VPS37C: variants seen among roughly 807,000 people sequenced by gnomAD.
The protein encoded by VPS37C is VPS37C subunit of ESCRT-I.
VPS37C carries 9 observed loss-of-function variants against 16.1 expected under a neutral mutation model. The observed-to-expected ratio is 0.56, with a 90% CI of 0.34 to 0.97. The LOEUF (loss-of-function observed/expected upper bound fraction) is 0.97, where lower values mean the gene tolerates loss of function less well. Among genes scored for constraint, VPS37C ranks in the 50% least tolerant of loss-of-function variants. The pLI, the probability that VPS37C is intolerant of heterozygous loss-of-function variation, is 0.02. For missense variants in VPS37C, 479 were observed against 472.7 expected, an observed-to-expected ratio of 1.01 and a Z score of -0.12; for synonymous variants, 207 against 206.4, an observed-to-expected ratio of 1.00 and a Z score of -0.02.
At position 61,131,158 on chromosome 11, in the gene VPS37C, C is replaced by T. The variant is rs1187587393; in HGVS notation, c.*662G>A. 5.0e-6 allele frequency: 1 copy of T among 199,046 alleles called. No homozygotes were observed. Among genetic ancestry groups the T allele is most frequent in the Non-Finnish European group, 1.0e-5 (1 of 98,536 alleles). 12.3% of individuals were successfully genotyped at this position (199,046 alleles called of 1,614,324 possible). A position where few individuals can be genotyped will look rare whatever the true frequency, so the allele number is the denominator to read the frequency against. On this transcript the variant is annotated 3_prime_UTR_variant, in exon 5 of 5. Transcript: ENST00000301765. ...ACTGCAAGCAAGGTCTGGGGACAAC[C>T]TTGACAACCCCCAGCCTTCTTGCTG...
In VPS37C at chr11:61,132,159, G is replaced by A. The variant is rs1861276645; in HGVS notation, c.729C>T (p.Pro243=). ...GTCCAAGCTGGGCTGCCGGGTAAGT[G>A]GGGCCCAGAGGCCCGCTGTAGAAGG... ...QPSFYSGPLG[P]TYPAAQLGPR... Residue 243 remains proline, a synonymous_variant, in exon 5 of 5, where the codon CCC becomes CCT. Transcript: ENST00000301765. 3 of 1,459,688 alleles carry A rather than the reference G, an allele frequency of 2.1e-6. No individual in the cohort carries two copies. The highest frequency in any genetic ancestry group is 2.5e-5 in the East Asian group (1 of 39,582). The allele number at this position is 1,459,688 out of a possible 1,614,324, so 90.4% of individuals were successfully genotyped here. A position where few individuals can be genotyped will look rare whatever the true frequency, so the allele number is the denominator to read the frequency against.
At chr11:61,151,550 G>T (rs1853298805) in intron 1 of VPS37C, among the ~76,000 whole-genome samples, 1 of 152,192 alleles carries the variant, frequency 6.6e-6, no homozygotes, top group African/African-American at 2.4e-5. Flanking sequence ...TGGAGCTTTT[G>T]TAAGGAGGAA....
chr11:61,133,091 A>C (rs987126023), intron 4 of VPS37C, 164 bp downstream of exon 4: 1 of 775,042 alleles, frequency 1.3e-6, no homozygotes, highest in African/African-American at 1.7e-5. Flanking sequence ...CCTGTTATTT[A>C]TACCCAAAAG....
intron 2 of VPS37C, among the ~76,000 whole-genome samples, chr11:61,137,279 T>C (rs1274373193): frequency 1.3e-5 from 2 of 152,156 alleles, no homozygotes; most frequent in African/African-American, 4.8e-5. Context: ...TAGCCCACGA[T>C]AAAAAAGTTT....
chr11:61,141,329 C>T (rs978137760), intron 1 of VPS37C, among the ~76,000 whole-genome samples: 3 of 151,238 alleles, frequency 2.0e-5, no homozygotes, highest in Admixed American at 6.6e-5. Context: ...GATCATGCCA[C>T]TGCACTCCAG....
intron 1 of VPS37C, among the ~76,000 whole-genome samples, chr11:61,152,913 C>T (rs918756633): frequency 1.3e-5 from 2 of 152,234 alleles, no homozygotes; most frequent in Non-Finnish European, 2.9e-5. Flanking sequence ...CTCTCTAAAG[C>T]TTTCCTTGCT....
chr11:61,148,146 GGCT>G (rs926399819), intron 1 of VPS37C, among the ~76,000 whole-genome samples: 2 of 152,130 alleles, frequency 1.3e-5, no homozygotes, highest in African/African-American at 4.8e-5. Context: ...CAAGTGAAAT[GGCT>G]GCTGAGATCG....
rs1234735549 is a variant in VPS37C, at chr11:61,133,259, G to T, written c.344C>A (p.Ser115Tyr). 6.2e-7 allele frequency: 1 copy of T among 1,614,108 alleles called. No individual in the cohort carries two copies. Among genetic ancestry groups the T allele is most frequent in the South Asian group, 1.1e-5 (1 of 91,072 alleles). The part of the protein sequence containing the change: ...QVEGMKIEEE[S>Y]EAMAEKFLEG... ...GGTGTCGCCTCGCCCTCTCACCTCG[G>T]ACTCTTCTTCGATCTTCATGCCTTC... Residue 115 changes from serine (S) to tyrosine (Y), a missense_variant, in exon 4 of 5, where the codon TCC (serine) becomes TAC (tyrosine). Coordinates refer to ENST00000301765, the MANE Select transcript of VPS37C (RefSeq NM_017966.5).
At chr11:61,141,896 C>T (rs1055223774) in intron 1 of VPS37C, among the ~76,000 whole-genome samples, 10 of 152,366 alleles carry the variant, frequency 6.6e-5, no homozygotes, top group African/African-American at 2.4e-4. Flanking sequence ...TAGCTGACCA[C>T]ACACAAACAG....
intron 2 of VPS37C, 93 bp downstream of exon 2, chr11:61,138,644 C>G (rs1861421919): frequency 2.4e-6 from 3 of 1,267,346 alleles, no homozygotes; most frequent in South Asian, 2.4e-5. Flanking sequence ...TGAATTTGGC[C>G]AAAACTTCCA....
At chr11:61,139,748 T>G (rs1320627) in intron 1 of VPS37C, among the ~76,000 whole-genome samples, 7,203 of 51,928 alleles carry the variant, frequency 0.14, 497 homozygotes, top group African/African-American at 0.37. Flanking sequence ...TAGCTTTTTT[T>G]TTTTTTTTTT....
Position 61,136,649 on chromosome 11 carries a change from A to G in VPS37C, c.93+2088T>C, listed in dbSNP as rs185032934. Reference sequence around the variant, plus strand: ...ATAGGTAAATAAAAGATGTTTTCACATGTTTTGCTGCTTCTGAATTCAATC... The same window carrying G: ...ATAGGTAAATAAAAGATGTTTTCACGTGTTTTGCTGCTTCTGAATTCAATC... On this transcript the variant is annotated intron_variant, in intron 2 of 4. Coordinates refer to ENST00000301765, the MANE Select transcript of VPS37C (RefSeq NM_017966.5). 4.9e-3 allele frequency among the ~76,000 whole-genome samples: 739 copies of G among 152,314 alleles called. 9 individuals are homozygous for G. The highest frequency in any genetic ancestry group is 0.017 in the African/African-American group (709 of 41,546).
At chr11:61,146,215 T>C (rs1255733963) in intron 1 of VPS37C, among the ~76,000 whole-genome samples, 6 of 152,200 alleles carry the variant, frequency 3.9e-5, no homozygotes, top group South Asian at 4.1e-4. Flanking sequence ...TCAATACTTA[T>C]GAAGCAATTG....
chr11:61,154,273 A>G (rs1454106719), intron 1 of VPS37C, among the ~76,000 whole-genome samples: 2 of 152,228 alleles, frequency 1.3e-5, no homozygotes, highest in Non-Finnish European at 2.9e-5. Flanking sequence ...AAATACACAG[A>G]TAATGGAATT....
intron 1 of VPS37C, 138 bp downstream of exon 1, chr11:61,161,253 T>C (rs1853468953): frequency 6.7e-6 from 1 of 149,536 alleles, no homozygotes; most frequent in South Asian, 2.2e-4. Flanking sequence ...GCGCCCCTCG[T>C]GCCCAATCAC....
chr11:61,135,637 G>A (rs1208790544), intron 2 of VPS37C, among the ~76,000 whole-genome samples: 1 of 152,030 alleles, frequency 6.6e-6, no homozygotes, highest in African/African-American at 2.4e-5. Flanking sequence ...GTTTCCCTAC[G>A]TTGCCCAGGC....
chr11:61,160,492 G>T (rs1300835422), intron 1 of VPS37C, among the ~76,000 whole-genome samples: 1 of 152,176 alleles, frequency 6.6e-6, no homozygotes, highest in Admixed American at 6.5e-5. Flanking sequence ...AATAAAGAGG[G>T]TGGAAAAGGC....
chr11:61,135,996 T>C (rs188846656), intron 2 of VPS37C, among the ~76,000 whole-genome samples: 56 of 152,332 alleles, frequency 3.7e-4, no homozygotes, highest in African/African-American at 7.5e-4. Context: ...TATAGGTAGA[T>C]AGAAGAAGTA....
chr11:61,139,749 T>G (rs397832596), intron 1 of VPS37C, among the ~76,000 whole-genome samples: 2 of 151,044 alleles, frequency 1.3e-5, no homozygotes, highest in African/African-American at 2.4e-5. Flanking sequence ...AGCTTTTTTT[T>G]TTTTTTTTTT....
Sources: allele counts gnomAD v4.1 joint callset (sites outside exome capture counted in the v4.1 genomes callset), GRCh38; gene constraint gnomAD v4.1.1; transcripts MANE v1.5; gene names NCBI Gene and HGNC (gene_info 2026-07-23, HGNC 2026-07-21).